CSMD1: variants seen among roughly 807,000 people sequenced by gnomAD.
CSMD1 encodes CUB and Sushi multiple domains 1, also known as CUB and sushi domain-containing protein 1.
CSMD1 carries 213 observed loss-of-function variants against 417.5 expected under a neutral mutation model. The ratio of observed to expected loss-of-function variants is 0.51; its 90% CI spans 0.46 to 0.57. CSMD1 has a LOEUF of 0.57. CSMD1 is among the 20% of genes least tolerant of loss of function. The pLI is 0.00. For missense variants in CSMD1, 6,923 were observed against 4,529.7 expected (o/e 1.53, Z -15.17); for synonymous variants, 2,862 against 1,736.8 (o/e 1.65, Z -16.11).
chr8:3,425,826 T>C (rs1490371451), intron 12 of CSMD1, among the ~76,000 whole-genome samples: 1 of 152,138 alleles, frequency 6.6e-6, no homozygotes, highest in Non-Finnish European at 1.5e-5. Flanking sequence ...ATATTGACAT[T>C]GAGGTGAAGA....
chr8:4,441,776 C>G (rs1391143398), intron 2 of CSMD1, among the ~76,000 whole-genome samples: 1 of 152,024 alleles, frequency 6.6e-6, no homozygotes, highest in Non-Finnish European at 1.5e-5. Flanking sequence ...ACTGACTAAT[C>G]TTGGGTGTAT....
At chr8:4,588,155 T>C (rs1055430091) in intron 2 of CSMD1, among the ~76,000 whole-genome samples, 2 of 152,118 alleles carry the variant, frequency 1.3e-5, no homozygotes, top group African/African-American at 2.4e-5. Context: ...TTATTTTAAA[T>C]GGCTAGTAAA....
chr8:3,778,202 C>A (rs529793067), intron 5 of CSMD1, among the ~76,000 whole-genome samples: 2 of 152,146 alleles, frequency 1.3e-5, no homozygotes, highest in Non-Finnish European at 2.9e-5. Context: ...GGGATCCTGG[C>A]CGTTTGTCCT....
intron 6 of CSMD1, among the ~76,000 whole-genome samples, chr8:3,726,498 G>C (rs78304391): frequency 0.026 from 3,986 of 152,248 alleles, 74 homozygotes; most frequent in South Asian, 0.038. Context: ...CCAGAGATGA[G>C]AGGCCAACTC....
intron 1 of CSMD1, among the ~76,000 whole-genome samples, chr8:4,923,713 G>C (rs1332252900): frequency 1.3e-5 from 2 of 152,094 alleles, no homozygotes; most frequent in South Asian, 2.1e-4. Context: ...GTGCTTGGGA[G>C]TTAGCATGAT....
rs548856344 is a variant in CSMD1 at position 4,335,732 on chromosome 8, A to C, written c.415+84221T>G. Among the ~76,000 whole-genome samples the C allele has an allele frequency of 4.2e-4, 64 of 152,272 alleles. 1 individual carries two copies. Among genetic ancestry groups the C allele is most frequent in the African/African-American group, 1.3e-3 (55 of 41,568 alleles). On this transcript the variant is annotated intron_variant, in intron 3 of 69. Coordinates refer to ENST00000635120, the MANE Select transcript of CSMD1 (RefSeq NM_033225.6). ...TCAAAAATAACAAATAGTGTACCTT[A>C]ATAGGGCTCACGGCAACAAGATAGA...
intron 1 of CSMD1, among the ~76,000 whole-genome samples, chr8:4,759,391 T>C (rs947068397): frequency 6.6e-6 from 1 of 152,196 alleles, no homozygotes; most frequent in Non-Finnish European, 1.5e-5. Context: ...TATTATCCAA[T>C]GGCATCTGAG....
intron 1 of CSMD1, among the ~76,000 whole-genome samples, chr8:4,913,645 G>T (rs148624340): frequency 6.6e-6 from 1 of 152,158 alleles, no homozygotes; most frequent in Non-Finnish European, 1.5e-5. Context: ...TGAGTTCTGC[G>T]TCAACCAGAT....
chr8:4,854,757 G>C (rs757565101), intron 1 of CSMD1, among the ~76,000 whole-genome samples: 8 of 152,166 alleles, frequency 5.3e-5, no homozygotes, highest in Non-Finnish European at 8.8e-5. Flanking sequence ...TGGCTCGGAG[G>C]GTCCTACACC....
chr8:4,659,619 T>A (rs1804456262), intron 1 of CSMD1, among the ~76,000 whole-genome samples: 1 of 152,096 alleles, frequency 6.6e-6, no homozygotes, highest in South Asian at 2.1e-4. Flanking sequence ...GATTGGTGAT[T>A]GCCAGAGTCT....
chr8:2,945,656 C>T (rs1285253918), intron 68 of CSMD1, among the ~76,000 whole-genome samples: 2 of 152,148 alleles, frequency 1.3e-5, no homozygotes, highest in Non-Finnish European at 2.9e-5. Context: ...CACAATAACA[C>T]ATGGACAGCT....
intron 1 of CSMD1, among the ~76,000 whole-genome samples, chr8:4,935,225 C>T (rs1807527117): frequency 6.6e-6 from 1 of 152,178 alleles, no homozygotes; most frequent in Admixed American, 6.5e-5. Context: ...TCCCTGGATC[C>T]AGAGTTCTTC....
intron 2 of CSMD1, among the ~76,000 whole-genome samples, chr8:4,462,415 C>A (rs914166337): frequency 6.6e-6 from 1 of 152,038 alleles, no homozygotes; most frequent in African/African-American, 2.4e-5. Context: ...GATGGCAATA[C>A]TCCCCAAATT....
intron 5 of CSMD1, among the ~76,000 whole-genome samples, chr8:3,869,707 G>A (rs993274051): frequency 1.3e-4 from 20 of 152,088 alleles, no homozygotes; most frequent in African/African-American, 4.8e-4. Context: ...GGAGCATGTG[G>A]GGAAGCTCAT....
At chr8:3,398,218 G>T (rs1039183408) in intron 16 of CSMD1, among the ~76,000 whole-genome samples, 1 of 151,908 alleles carries the variant, frequency 6.6e-6, no homozygotes, top group African/African-American at 2.4e-5. Flanking sequence ...CTTCAGCTCC[G>T]CCTGCCAATA....
intron 7 of CSMD1, among the ~76,000 whole-genome samples, chr8:3,698,057 A>G (rs1402456060): frequency 6.6e-6 from 1 of 152,030 alleles, no homozygotes; most frequent in Non-Finnish European, 1.5e-5. Flanking sequence ...TTTTCTGTTT[A>G]TTTAAAAAAT....
chr8:3,881,061 A>G (rs999043449), intron 5 of CSMD1, among the ~76,000 whole-genome samples: 2 of 152,172 alleles, frequency 1.3e-5, no homozygotes, highest in African/African-American at 4.8e-5. Flanking sequence ...AGTGAATTCA[A>G]AAAATTATAT....
At chr8:3,865,134 C>G (rs914779013) in intron 5 of CSMD1, among the ~76,000 whole-genome samples, 1 of 152,184 alleles carries the variant, frequency 6.6e-6, no homozygotes, top group African/African-American at 2.4e-5. Context: ...ATCATTTGTT[C>G]TGTGTGTGTT....
chr8:3,742,478 T>C (rs1796859145), intron 6 of CSMD1, among the ~76,000 whole-genome samples: 1 of 152,138 alleles, frequency 6.6e-6, no homozygotes, highest in Non-Finnish European at 1.5e-5. Context: ...GGTCTATGAT[T>C]TATACATTTT....
Sources: allele counts gnomAD v4.1 joint callset (sites outside exome capture counted in the v4.1 genomes callset), GRCh38; gene constraint gnomAD v4.1.1; transcripts MANE v1.5; gene names NCBI Gene and HGNC (gene_info 2026-07-23, HGNC 2026-07-21).